The following GSAP variants were observed in gnomAD, a reference collection of about 807,000 sequenced individuals.
The protein encoded by GSAP is gamma-secretase-activating protein.
GSAP carries 118 observed loss-of-function variants against 131.7 expected under a neutral mutation model. That is an observed-to-expected ratio of 0.90 (90% CI 0.77 to 1.04). GSAP has a LOEUF of 1.04. GSAP is among the 50% of genes least tolerant of loss of function. The pLI is 0.00. For missense variants in GSAP, 1,019 were observed against 1,013.2 expected (o/e 1.01, Z -0.08); for synonymous variants, 381 against 363.4 (o/e 1.05, Z -0.55).
intron 3 of GSAP, among the ~76,000 whole-genome samples, chr7:77,400,861 G>A (rs569057127): frequency 5.4e-5 from 8 of 148,056 alleles, no homozygotes; most frequent in Admixed American, 3.4e-4. Flanking sequence ...TGAAGCAAAC[G>A]AAAAAAAGTC....
chr7:77,317,345 TG>T (rs983742074), intron 26 of GSAP, among the ~76,000 whole-genome samples: 1 of 47,080 alleles, frequency 2.1e-5, no homozygotes, highest in African/African-American at 9.2e-5. Flanking sequence ...GGACAAGGGT[TG>T]GGGGGGAACA....
rs776576370 is a variant in GSAP at position 77,330,225 on chromosome 7, T to A, written c.1674+14A>T. ...GCCTCGCTGCTGGCTTTGTTCTCAC[T>A]GACCCACTCATACCTCTTCAGAGAT... On this transcript the variant is annotated intron_variant, in intron 20 of 30. Coordinates refer to ENST00000257626, the MANE Select transcript of GSAP (RefSeq NM_017439.4). 2 of 1,605,146 alleles carry A rather than the reference T, an allele frequency of 1.2e-6. No individual in the cohort carries two copies. The highest frequency in any genetic ancestry group is 1.7e-6 in the Non-Finnish European group (2 of 1,175,324).
intron 11 of GSAP, 90 bp downstream of exon 11, chr7:77,374,968 T>G (rs1796637019): frequency 6.4e-6 from 4 of 622,226 alleles, no homozygotes; most frequent in South Asian, 4.2e-5. Flanking sequence ...CAAACTCTCT[T>G]TTTATCTGCA....
intron 23 of GSAP, among the ~76,000 whole-genome samples, chr7:77,325,730 C>G (rs1760581186): frequency 2.0e-5 from 3 of 152,112 alleles, no homozygotes; most frequent in Admixed American, 2.0e-4. Flanking sequence ...ACCATCATGC[C>G]CAGCTAATTT....
intron 1 of GSAP, among the ~76,000 whole-genome samples, chr7:77,410,134 C>T (rs938738648): frequency 6.6e-5 from 10 of 152,066 alleles, no homozygotes; most frequent in Non-Finnish European, 1.2e-4. Flanking sequence ...TAACTTGGAC[C>T]ATCTTATAAT....
intron 1 of GSAP, among the ~76,000 whole-genome samples, chr7:77,409,702 C>T (rs1344998087): frequency 2.6e-5 from 4 of 151,956 alleles, no homozygotes; most frequent in Non-Finnish European, 5.9e-5. Context: ...TATAAGTATG[C>T]GAGGAGAGAT....
At position 77,355,227 on chromosome 7, in the gene GSAP, A is replaced by G; in HGVS notation, c.1324T>C (p.Phe442Leu). Reference protein sequence around the residue: ...CALYCGQGAQFLEAQIIQWIS... With the variant: ...CALYCGQGAQLLEAQIIQWIS... Reference sequence around the variant, plus strand: ...TATCTTCTCACCTGGGCTTCCAGGAACTGCGCACCTTGACCGCAGTAGAGC... The same window carrying G: ...TATCTTCTCACCTGGGCTTCCAGGAGCTGCGCACCTTGACCGCAGTAGAGC... Residue 442 changes from phenylalanine (F) to leucine (L), a missense_variant, in exon 16 of 31, where the codon TTC (phenylalanine) becomes CTC (leucine). Coordinates refer to ENST00000257626, the MANE Select transcript of GSAP (RefSeq NM_017439.4). 6.2e-7 allele frequency: 1 copy of G among 1,611,940 alleles called. No individual in the cohort carries two copies. Among genetic ancestry groups the G allele is most frequent in the Non-Finnish European group, 8.5e-7 (1 of 1,178,088 alleles).
chr7:77,311,940 G>C lies in GSAP; in HGVS notation c.2374C>G (p.Pro792Ala). The C allele has an allele frequency of 3.2e-6, 5 of 1,563,888 alleles. No individual in the cohort carries two copies. The highest frequency in any genetic ancestry group is 4.4e-6 in the Non-Finnish European group (5 of 1,134,448). The change falls in exon 30 of 31, where the codon CCT becomes GCT. Residue 792 changes from proline (P) to alanine (A), a missense_variant and splice_region_variant. Coordinates refer to ENST00000257626, the MANE Select transcript of GSAP (RefSeq NM_017439.4). The part of the protein sequence containing the change: ...TRLLQNYKKQ[P>A]RNSMINKSSF... ...GACTTGTTAATCATAGAATTCCGAG[G>C]CTAAAAGGGAAACCACTTCTGGTGT...
intron 1 of GSAP, among the ~76,000 whole-genome samples, chr7:77,414,304 T>C (rs1803876484): frequency 6.6e-6 from 1 of 152,262 alleles, no homozygotes; most frequent in Non-Finnish European, 1.5e-5. Context: ...ATGTGTGTTG[T>C]AACTGCTGTG....
chr7:77,407,790 T>C (rs1017255684), intron 1 of GSAP, among the ~76,000 whole-genome samples: 2 of 152,186 alleles, frequency 1.3e-5, no homozygotes, highest in Non-Finnish European at 2.9e-5. Flanking sequence ...TATATACATA[T>C]ATTTAGCAAG....
chr7:77,313,573 A>C, intron 27 of GSAP, 24 bp from the exon 28 acceptor site: 1 of 1,090,034 alleles, frequency 9.2e-7, no homozygotes, highest in Non-Finnish European at 1.4e-6. Flanking sequence ...AGAGATTAGC[A>C]AATGAAACAA....
At chr7:77,382,072 AC>A (rs969503931) in intron 7 of GSAP, among the ~76,000 whole-genome samples, 3 of 149,822 alleles carry the variant, frequency 2.0e-5, no homozygotes, top group Non-Finnish European at 4.4e-5. Flanking sequence ...TCCCTCTCTA[AC>A]TTGAAACCAT....
chr7:77,338,587 G>A (rs1228038338), intron 19 of GSAP, among the ~76,000 whole-genome samples: 2 of 152,184 alleles, frequency 1.3e-5, no homozygotes, highest in African/African-American at 4.8e-5. Flanking sequence ...TATGGTGTCT[G>A]ATGAGGGCCC....
intron 3 of GSAP, among the ~76,000 whole-genome samples, chr7:77,402,391 A>AG (rs1337425966): frequency 1.5e-5 from 2 of 130,854 alleles, no homozygotes; most frequent in Admixed American, 7.7e-5. Flanking sequence ...TAAAAAAAAA[A>AG]AAAGAAAAAA....
At chr7:77,343,309 CACT>C (rs1412540072) in intron 19 of GSAP, among the ~76,000 whole-genome samples, 2 of 152,216 alleles carry the variant, frequency 1.3e-5, no homozygotes, top group Non-Finnish European at 2.9e-5. Flanking sequence ...TGCCCCCCTC[CACT>C]ACCTCTCAGC....
intron 14 of GSAP, among the ~76,000 whole-genome samples, chr7:77,358,672 T>A (rs1329365076): frequency 1.3e-5 from 2 of 152,222 alleles, no homozygotes; most frequent in East Asian, 3.8e-4. Flanking sequence ...TTAAGTACTC[T>A]AGGATTGTAA....
intron 26 of GSAP, among the ~76,000 whole-genome samples, chr7:77,316,666 C>T (rs1422362418): frequency 6.6e-6 from 1 of 152,130 alleles, no homozygotes; most frequent in Admixed American, 6.5e-5. Context: ...TCAAATTTCC[C>T]TCTCCAGCCC....
At chr7:77,326,133 G>T in intron 23 of GSAP, 79 bp downstream of exon 23, 2 of 896,824 alleles carry the variant, frequency 2.2e-6, no homozygotes, top group South Asian at 3.2e-5. Flanking sequence ...AGATCAGAAT[G>T]AGAAGCCCAC....
chr7:77,319,865 G>T (rs1165094868), intron 26 of GSAP, among the ~76,000 whole-genome samples: 2 of 152,202 alleles, frequency 1.3e-5, no homozygotes, highest in African/African-American at 2.4e-5. Context: ...AACAGTGCTT[G>T]CCAGGAACCG....
Sources: allele counts gnomAD v4.1 joint callset (sites outside exome capture counted in the v4.1 genomes callset), GRCh38; gene constraint gnomAD v4.1.1; transcripts MANE v1.5; gene names NCBI Gene and HGNC (gene_info 2026-07-23, HGNC 2026-07-21).